C5: variants seen among roughly 807,000 people sequenced by gnomAD.
C5 encodes complement C5, also known as C3 and PZP-like alpha-2-macroglobulin domain-containing protein 4.
C5 carries 140 observed loss-of-function variants against 218.8 expected under a neutral mutation model. The ratio of observed to expected loss-of-function variants is 0.64; its 90% CI spans 0.56 to 0.74. The LOEUF is 0.74. C5 is among the 30% of genes least tolerant of loss of function. The pLI is 0.00. For synonymous variants in C5, 614 were observed against 682.3 expected (o/e 0.90, Z 1.56); for missense variants, 1,700 against 1,969.6 (o/e 0.86, Z 2.59).
At chr9:121,040,134 A>G (rs559321496) in intron 3 of C5, among the ~76,000 whole-genome samples, 21 of 152,382 alleles carry the variant, frequency 1.4e-4, no homozygotes, top group African/African-American at 1.9e-4. Context: ...TGAAGAGGTC[A>G]GGGAAATCAG....
At chr9:121,014,777 A>G (rs2047292131) in intron 16 of C5, among the ~76,000 whole-genome samples, 1 of 152,194 alleles carries the variant, frequency 6.6e-6, no homozygotes, top group Non-Finnish European at 1.5e-5. Context: ...TTCTCACAAG[A>G]TGTATTTTCC....
chr9:121,066,913 G>A, the C5 span, among the ~76,000 whole-genome samples: 2 of 146,136 alleles, frequency 1.4e-5, no homozygotes, highest in Admixed American at 6.8e-5. Context: ...CACAGAAAAA[G>A]CATCTTACAA....
At chr9:121,045,829 G>C (rs2047621829) in intron 2 of C5, among the ~76,000 whole-genome samples, 1 of 151,876 alleles carries the variant, frequency 6.6e-6, no homozygotes, top group Non-Finnish European at 1.5e-5. Context: ...GATTTTTGTG[G>C]GCAATGTACT....
intron 4 of C5, among the ~76,000 whole-genome samples, chr9:121,035,251 G>A (rs2047514280): frequency 6.6e-6 from 1 of 152,116 alleles, no homozygotes; most frequent in South Asian, 2.1e-4. Flanking sequence ...TGTGAATTTT[G>A]TTGGCTTTAT....
At chr9:120,997,172 T>C (rs1018150808) in intron 21 of C5, among the ~76,000 whole-genome samples, 1 of 152,072 alleles carries the variant, frequency 6.6e-6, no homozygotes, top group Non-Finnish European at 1.5e-5. Context: ...CAAGACACAT[T>C]TTCTGAATGT....
At chr9:120,998,166 C>A (rs746460861) in intron 20 of C5, among the ~76,000 whole-genome samples, 3 of 152,206 alleles carry the variant, frequency 2.0e-5, no homozygotes, top group Admixed American at 6.5e-5. Flanking sequence ...GACACAAACT[C>A]TCCACTTTAA....
intron 20 of C5, among the ~76,000 whole-genome samples, chr9:121,002,314 G>GTATATATATATATATA (rs1260903533): frequency 1.6e-5 from 1 of 62,476 alleles, no homozygotes; most frequent in African/African-American, 5.8e-5. Context: ...ATATATGTGT[G>GTATATATATATATATA]TGTATATATA....
chr9:121,001,847 T>A (rs1456506417), intron 20 of C5, among the ~76,000 whole-genome samples: 1 of 152,134 alleles, frequency 6.6e-6, no homozygotes, highest in South Asian at 2.1e-4. Context: ...TTAGCCCAGT[T>A]AGTTCACTCC....
chr9:121,041,296 C>A (rs1457512193), intron 3 of C5, among the ~76,000 whole-genome samples: 1 of 38,598 alleles, frequency 2.6e-5, no homozygotes, highest in African/African-American at 7.3e-5. Flanking sequence ...ATACATGAAG[C>A]CTTTTTTTTT....
rs900345049 is a variant in C5, at chr9:120,989,904, T to C, written c.2942-124A>G. ...CTTTTTATCTAGGCAGTTGACTTGC[T>C]TCTCAGAAACGGGGTGAGAAAAAAA... On this transcript the variant is annotated intron_variant, in intron 23 of 40. Coordinates refer to ENST00000223642, the MANE Select transcript of C5 (RefSeq NM_001735.3). The C allele has an allele frequency of 4.0e-6, 3 of 750,038 alleles. No homozygotes were observed. The East Asian group carries it at 8.1e-5, about 20-fold the overall frequency. The allele number at this position is 750,038 out of a possible 1,614,324, so 46.5% of individuals were successfully genotyped here. A position where few individuals can be genotyped will look rare whatever the true frequency, so the allele number is the denominator to read the frequency against.
At chr9:121,004,088 G>C (rs1173919535) in intron 20 of C5, among the ~76,000 whole-genome samples, 7 of 151,996 alleles carry the variant, frequency 4.6e-5, no homozygotes, top group Non-Finnish European at 7.4e-5. Context: ...CCAGGATGGT[G>C]TCGATCGCCT....
chr9:121,067,616 T>C, the C5 span, among the ~76,000 whole-genome samples: 48 of 149,234 alleles, frequency 3.2e-4, 1 homozygote, highest in Middle Eastern at 3.5e-3. Context: ...AAACATATGG[T>C]ATGGTTTGGC....
At chr9:120,994,706 C>T (rs2047103338) in intron 22 of C5, among the ~76,000 whole-genome samples, 1 of 151,918 alleles carries the variant, frequency 6.6e-6, no homozygotes, top group African/African-American at 2.4e-5. Flanking sequence ...CTGCCTAAAC[C>T]CAAGTTGCCT....
intron 33 of C5, 67 bp from the exon 34 acceptor site, chr9:120,963,805 C>G (rs897081719): frequency 1.1e-5 from 13 of 1,218,104 alleles, no homozygotes; most frequent in Non-Finnish European, 1.4e-5. Flanking sequence ...AAAGGACACT[C>G]TTCCTTAGTA....
chr9:120,982,018 G>T, intron 26 of C5, 79 bp from the exon 27 acceptor site: 1 of 955,250 alleles, frequency 1.0e-6, no homozygotes, highest in Non-Finnish European at 1.7e-6. Flanking sequence ...TCTGTTTTTT[G>T]TTTGTTTGTT....
At chr9:120,990,032 G>A (rs2047065394) in intron 23 of C5, among the ~76,000 whole-genome samples, 1 of 151,992 alleles carries the variant, frequency 6.6e-6, no homozygotes, top group Admixed American at 6.6e-5. Context: ...ACTGATTGCT[G>A]CAAGAGAACA....
At chr9:121,052,130 AT>A (rs2131832841), upstream of C5, among the ~76,000 whole-genome samples, 1 of 152,202 alleles carries the variant, frequency 6.6e-6, no homozygotes, top group East Asian at 1.9e-4. Context: ...TTTAGTCAAA[AT>A]TTTTTATCTA....
chr9:120,976,844 A>G lies in C5; in HGVS notation c.3720T>C (p.Pro1240=). ...CTACCATACGTGCCGTACCAGTGTT[A>G]GGTACAGAGCTGTCTTTATGCTGAA... The part of the protein sequence containing the change: ...DNLQHKDSSV[P]NTGTARMVET... The change falls in exon 29 of 41, where the codon CCT becomes CCC. Residue 1240 remains proline (P), a synonymous_variant. Coordinates refer to ENST00000223642, the MANE Select transcript of C5 (RefSeq NM_001735.3). 6.2e-7 allele frequency: 1 copy of G among 1,614,028 alleles called. No homozygotes were observed. The highest frequency in any genetic ancestry group is 8.5e-7 in the Non-Finnish European group (1 of 1,179,852).
At chr9:120,982,314 C>G (rs773585033) in intron 26 of C5, among the ~76,000 whole-genome samples, 44 of 152,044 alleles carry the variant, frequency 2.9e-4, no homozygotes, top group Non-Finnish European at 2.1e-4. Flanking sequence ...CTGGCCTCTA[C>G]TCTGTGTTTT....
Sources: gnomAD v4.1 joint callset for allele counts (sites outside exome capture counted in the v4.1 genomes callset) on GRCh38, gnomAD v4.1.1 for gene constraint, MANE v1.5 for transcripts, NCBI Gene and HGNC (gene_info 2026-07-23, HGNC 2026-07-21) for gene names.